The following PMAIP1 variants were observed in gnomAD, a reference collection of about 807,000 sequenced individuals.
PMAIP1 encodes the protein PMA-induced protein 1.
PMAIP1 carries 3 observed loss-of-function variants against 3.7 expected under a neutral mutation model. The ratio of observed to expected loss-of-function variants is 0.82; its 90% CI spans 0.37 to 2.12. The LOEUF (loss-of-function observed/expected upper bound fraction) is 2.12, where lower values mean the gene tolerates loss of function less well. Ranked by LOEUF, PMAIP1 falls within the 30% of genes most tolerant of loss-of-function variation. PMAIP1 has a pLI of 0.06. For synonymous variants in PMAIP1, 29 were observed against 26.2 expected, an observed-to-expected ratio of 1.11 and a Z score of -0.32; for missense variants, 77 against 67.1, an observed-to-expected ratio of 1.15 and a Z score of -0.52.
chr18:59,900,572 T>C, intron 1 of PMAIP1: 1 of 1,550,270 alleles, frequency 6.5e-7, no homozygotes, highest in Non-Finnish European at 8.7e-7. Flanking sequence ...GAGGAACAAG[T>C]GCAAGTGTAG....
At position 59,903,081 on chromosome 18, in the gene PMAIP1, C is replaced by A; in HGVS notation, c.*328C>A. ...GTTCTAGTGTTTTTGCCGAAGATTA[C>A]CGCTGGCCTACTGTGAAGGGAGATG... On this transcript the variant is annotated 3_prime_UTR_variant, in exon 2 of 2. Coordinates refer to ENST00000316660, the MANE Select transcript of PMAIP1 (RefSeq NM_021127.3). 5.3e-6 allele frequency: 3 copies of A among 565,946 alleles called. No homozygotes were observed. The South Asian group carries it at 6.4e-5, about 12-fold the overall frequency. 35.1% of individuals were successfully genotyped at this position (565,946 alleles called of 1,614,324 possible).
chr18:59,900,325 G>C (rs2055751829), intron 1 of PMAIP1, 90 bp downstream of exon 1: 13 of 1,512,340 alleles, frequency 8.6e-6, no homozygotes, highest in Middle Eastern at 2.1e-4. Context: ...CAGCTCGCCG[G>C]GGCTCAAGCA....
In PMAIP1 at chr18:59,902,760, C is replaced by T; in HGVS notation, c.*7C>T. 6.2e-7 allele frequency: 1 copy of T among 1,614,136 alleles called. No homozygotes were observed. The highest frequency in any genetic ancestry group is 1.1e-5 in the South Asian group (1 of 91,086). ...CTTCTGCTCAGGAACCTGACTGCAT[C>T]AAAAACTTGCATGAGGGGACTCCTT... is the stretch of plus-strand genomic sequence containing the variant. On this transcript the variant is annotated 3_prime_UTR_variant, in exon 2 of 2. Coordinates refer to ENST00000316660, the MANE Select transcript of PMAIP1 (RefSeq NM_021127.3).
In PMAIP1 at chr18:59,902,747, A is replaced by G; in HGVS notation, c.159A>G (p.Gly53=). ...TGATATCCAAACTCTTCTGCTCAGG[A>G]ACCTGACTGCATCAAAAACTTGCAT... The part of the protein sequence containing the change: ...LNLISKLFCS[G]T The change falls in exon 2 of 2, where the codon GGA becomes GGG. Residue 53 remains glycine, a synonymous_variant. Transcript: ENST00000316660. 1 of 1,614,174 alleles carries G rather than the reference A, an allele frequency of 6.2e-7. No individual in the cohort carries two copies. Among genetic ancestry groups the G allele is most frequent in the Non-Finnish European group, 8.5e-7 (1 of 1,179,998 alleles).
chr18:59,902,775 G>A lies in PMAIP1; in HGVS notation c.*22G>A, dbSNP rs1363605172. On this transcript the variant is annotated 3_prime_UTR_variant, in exon 2 of 2. Transcript: ENST00000316660. ...CTGACTGCATCAAAAACTTGCATGA[G>A]GGGACTCCTTCAAAAGAGTTTTCTC... 3 of 1,614,114 alleles carry A rather than the reference G, an allele frequency of 1.9e-6. No individual in the cohort carries two copies. The highest frequency in any genetic ancestry group is 2.2e-5 in the South Asian group (2 of 91,084).
Position 59,900,176 on chromosome 18 carries a change from A to C in PMAIP1, c.-2A>C. 1 of 1,558,860 alleles carries C rather than the reference A, an allele frequency of 6.4e-7. No individual in the cohort carries two copies. The highest frequency in any genetic ancestry group is 1.2e-5 in the South Asian group (1 of 85,230). On this transcript the variant is annotated 5_prime_UTR_variant, in exon 1 of 2. Transcript: ENST00000316660. Reference sequence around the variant, plus strand: ...GCTGAGTGGGCGGCGGCACCGGCGGAGATGCCTGGGAAGAAGGCGCGCAAG... The same window carrying C: ...GCTGAGTGGGCGGCGGCACCGGCGGCGATGCCTGGGAAGAAGGCGCGCAAG...
At chr18:59,902,034 G>T (rs1021278564) in intron 1 of PMAIP1, among the ~76,000 whole-genome samples, 1 of 152,290 alleles carries the variant, frequency 6.6e-6, no homozygotes, top group African/African-American at 2.4e-5. Flanking sequence ...AGAGAATGTG[G>T]ACTTAATTTT....
rs1410147534 is a variant in PMAIP1 at position 59,902,898 on chromosome 18, A to G, written c.*145A>G. The stretch of plus-strand genomic sequence containing the variant: ...GGTGCCCTTGGAAACGGAAGATGGA[A>G]TACATCAAAGTGAATTTCTGTTCAA... On this transcript the variant is annotated 3_prime_UTR_variant, in exon 2 of 2. Coordinates refer to ENST00000316660, the MANE Select transcript of PMAIP1 (RefSeq NM_021127.3). The G allele has an allele frequency of 1.5e-6, 2 of 1,314,472 alleles. No homozygotes were observed. Among genetic ancestry groups the G allele is most frequent in the Non-Finnish European group, 2.1e-6 (2 of 932,244 alleles). The allele number at this position is 1,314,472 out of a possible 1,614,324, so 81.4% of individuals were successfully genotyped here.
chr18:59,900,350 G>A (rs2055752293), intron 1 of PMAIP1, 115 bp downstream of exon 1: 1 of 1,528,470 alleles, frequency 6.5e-7, no homozygotes, highest in Non-Finnish European at 8.8e-7. Context: ...CTGCACGGGG[G>A]TCAAGGTCGG....
At chr18:59,901,126 G>T (rs1217219219) in intron 1 of PMAIP1, among the ~76,000 whole-genome samples, 1 of 152,162 alleles carries the variant, frequency 6.6e-6, no homozygotes, top group East Asian at 1.9e-4. Flanking sequence ...TTCTGACCTT[G>T]TTTCTTTCTG....
intron 1 of PMAIP1, 21 bp from the exon 2 acceptor site, chr18:59,902,626 A>T (rs1485652869): frequency 6.2e-7 from 1 of 1,605,684 alleles, no homozygotes. Context: ...GTTCATGTCC[A>T]TGTTTTGCTT....
Position 59,902,864 on chromosome 18 carries a change from G to T in PMAIP1, c.*111G>T, listed in dbSNP as rs753063688. On this transcript the variant is annotated 3_prime_UTR_variant, in exon 2 of 2. Coordinates refer to ENST00000316660, the MANE Select transcript of PMAIP1 (RefSeq NM_021127.3). ...TTGTAATTGAGAGGAATGTGAAGGT[G>T]CATTCATGGGTGCCCTTGGAAACGG... The T allele has an allele frequency of 6.4e-7, 1 of 1,550,396 alleles. No individual in the cohort carries two copies. Among genetic ancestry groups the T allele is most frequent in the Non-Finnish European group, 8.8e-7 (1 of 1,136,648 alleles).
chr18:59,901,726 AC>A (rs1489548489), intron 1 of PMAIP1, among the ~76,000 whole-genome samples: 1 of 152,184 alleles, frequency 6.6e-6, no homozygotes, highest in African/African-American at 2.4e-5. Context: ...TACCCGAAAG[AC>A]CTCAAGCTGC....
chr18:59,903,543 AAG>A lies in PMAIP1; in HGVS notation c.*792_*793del, dbSNP rs1353142215. The A allele has an allele frequency of 1.3e-5, 2 of 152,350 alleles. No individual in the cohort carries two copies. The allele number at this position is 152,350 out of a possible 1,614,324, so 9.4% of individuals were successfully genotyped here. ...ATAACCAGGGATAATAAAAAGAAAA[AAG>A]AAGTTAATTTTTAATTGATGTTTTT... On this transcript the variant is annotated 3_prime_UTR_variant, in exon 2 of 2. Transcript: ENST00000316660.
rs780859507 is a variant in PMAIP1 at position 59,902,894 on chromosome 18, T to A, written c.*141T>A. The A allele has an allele frequency of 2.8e-5, 38 of 1,335,790 alleles. No individual in the cohort carries two copies. Among genetic ancestry groups the A allele is most frequent in the Non-Finnish European group, 8.4e-6 (8 of 950,164 alleles). The allele number at this position is 1,335,790 out of a possible 1,614,324, so 82.7% of individuals were successfully genotyped here. A position where few individuals can be genotyped will look rare whatever the true frequency, so the allele number is the denominator to read the frequency against. ...CATGGGTGCCCTTGGAAACGGAAGA[T>A]GGAATACATCAAAGTGAATTTCTGT... On this transcript the variant is annotated 3_prime_UTR_variant, in exon 2 of 2. Coordinates refer to ENST00000316660, the MANE Select transcript of PMAIP1 (RefSeq NM_021127.3).
Position 59,900,095 on chromosome 18 carries a change from C to T in PMAIP1, c.-83C>T, listed in dbSNP as rs2143556437. ...TGCAGGACTGTTCGTGTTCAGCTCG[C>T]GTCCTGCAGCTGTCCGAGGTGCTCC... On this transcript the variant is annotated 5_prime_UTR_variant, in exon 1 of 2. Coordinates refer to ENST00000316660, the MANE Select transcript of PMAIP1 (RefSeq NM_021127.3). 2.1e-6 allele frequency: 3 copies of T among 1,432,376 alleles called. No individual in the cohort carries two copies. The highest frequency in any genetic ancestry group is 2.5e-5 in the East Asian group (1 of 40,234). 88.7% of individuals were successfully genotyped at this position (1,432,376 alleles called of 1,614,324 possible). A position where few individuals can be genotyped will look rare whatever the true frequency, so the allele number is the denominator to read the frequency against.
rs7240965 is a variant in PMAIP1, at chr18:59,903,055, C to T, written c.*302C>T. On this transcript the variant is annotated 3_prime_UTR_variant, in exon 2 of 2. Transcript: ENST00000316660. ...CACATTTCTTTTTTACTTAGAGAAT[C>T]GTTCTAGTGTTTTTGCCGAAGATTA... 0.013 allele frequency: 7,456 copies of T among 588,746 alleles called. 315 individuals carry two copies. Among genetic ancestry groups the T allele is most frequent in the African/African-American group, 0.1 (5,583 of 53,720 alleles). The allele number at this position is 588,746 out of a possible 1,614,324, so 36.5% of individuals were successfully genotyped here.
chr18:59,900,321 G>T (rs2055751753), intron 1 of PMAIP1, 86 bp downstream of exon 1: 4 of 1,511,092 alleles, frequency 2.6e-6, no homozygotes, highest in Admixed American at 4.1e-5. Flanking sequence ...GGCTCAGCTC[G>T]CCGGGGCTCA....
At chr18:59,901,447 A>G (rs185146612) in intron 1 of PMAIP1, among the ~76,000 whole-genome samples, 106 of 152,320 alleles carry the variant, frequency 7.0e-4, no homozygotes, top group African/African-American at 2.2e-3. Flanking sequence ...GTCTATGTAA[A>G]TACTTCCCAA....
Sources: allele counts gnomAD v4.1 joint callset (sites outside exome capture counted in the v4.1 genomes callset), GRCh38; gene constraint gnomAD v4.1.1; transcripts MANE v1.5; gene names NCBI Gene and HGNC (gene_info 2026-07-23, HGNC 2026-07-21).